The following HEMGN variants were observed in gnomAD, a reference collection of about 807,000 sequenced individuals.
HEMGN encodes the protein erythroid differentiation-associated gene protein.
Under a neutral mutation model 45.7 loss-of-function variants are expected in HEMGN, and 32 were observed. The observed-to-expected ratio is 0.70, with a 90% confidence interval of 0.53 to 0.94. HEMGN has a LOEUF of 0.94. HEMGN is among the 40% of genes least tolerant of loss of function. The probability of loss-of-function intolerance (pLI) is 0.00; values close to 1 mark genes in which losing one functional copy is unlikely to be tolerated. For missense variants in HEMGN, 530 were observed against 564.2 expected (o/e 0.94, Z 0.61); for synonymous variants, 183 against 178.6 (o/e 1.02, Z -0.20).
upstream of HEMGN, among the ~76,000 whole-genome samples, chr9:97,938,822 C>T (rs537118491): frequency 2.0e-4 from 31 of 152,180 alleles, no homozygotes; most frequent in Non-Finnish European, 4.3e-4. Context: ...TAGAATTTCA[C>T]AGCAATTTTG....
Position 97,938,142 on chromosome 9 carries a change from T to G in HEMGN, c.-6A>C. 6.2e-7 allele frequency: 1 copy of G among 1,604,952 alleles called. No homozygotes were observed. The highest frequency in any genetic ancestry group is 1.3e-5 in the African/African-American group (1 of 74,716). On this transcript the variant is annotated 5_prime_UTR_variant, in exon 1 of 4. Transcript: ENST00000616898. ...TGGTCCTTTCCCAAATCCATCTTGCTGCAATACCTTCCTGCTATTTTGGTC... is the reference window on the plus strand; with the variant it reads ...TGGTCCTTTCCCAAATCCATCTTGCGGCAATACCTTCCTGCTATTTTGGTC...
At chr9:97,943,195 C>T (rs1827177096) in intron 1 of HEMGN, among the ~76,000 whole-genome samples, 1 of 152,096 alleles carries the variant, frequency 6.6e-6, no homozygotes, top group Non-Finnish European at 1.5e-5. Flanking sequence ...AGATATAAGT[C>T]CCATCAACCC....
At chr9:97,928,657 G>A (rs976441784) in intron 3 of HEMGN, among the ~76,000 whole-genome samples, 3 of 152,110 alleles carry the variant, frequency 2.0e-5, no homozygotes, top group African/African-American at 7.2e-5. Context: ...ATTTAATATG[G>A]TGTCTGGCAC....
chr9:97,927,572 A>T (rs942828208), intron 3 of HEMGN, 94 bp from the exon 4 acceptor site: 3 of 751,912 alleles, frequency 4.0e-6, no homozygotes, highest in East Asian at 5.1e-5. Context: ...TTTACAACAT[A>T]CACAACAACA....
upstream of HEMGN, among the ~76,000 whole-genome samples, chr9:97,942,209 C>T (rs546837164): frequency 6.6e-6 from 1 of 151,578 alleles, no homozygotes; most frequent in Non-Finnish European, 1.5e-5. Flanking sequence ...ACTAAGATCA[C>T]AGAGTGAGAC....
upstream of HEMGN, among the ~76,000 whole-genome samples, chr9:97,939,161 T>A (rs1192684733): frequency 6.6e-6 from 1 of 152,182 alleles, no homozygotes; most frequent in African/African-American, 2.4e-5. Context: ...AATTCCAGTG[T>A]TGACATTCCC....
At chr9:97,934,391 A>G (rs1055552908) in intron 2 of HEMGN, among the ~76,000 whole-genome samples, 1 of 127,044 alleles carries the variant, frequency 7.9e-6, no homozygotes, top group African/African-American at 2.8e-5. Context: ...AGAAAAAAGA[A>G]AAGGAGAGGA....
At chr9:97,931,417 A>C (rs1158660557) in intron 2 of HEMGN, among the ~76,000 whole-genome samples, 196 bp from the exon 3 acceptor site, 1 of 152,156 alleles carries the variant, frequency 6.6e-6, no homozygotes, top group Non-Finnish European at 1.5e-5. Flanking sequence ...AGGAGAGGGA[A>C]TGTTTCTCCA....
chr9:97,942,952 G>A (rs529466002), upstream of HEMGN, among the ~76,000 whole-genome samples: 9 of 152,292 alleles, frequency 5.9e-5, no homozygotes, highest in East Asian at 1.7e-3. Flanking sequence ...GGTTTGTCAT[G>A]CCATAGTCAG....
upstream of HEMGN, among the ~76,000 whole-genome samples, chr9:97,939,692 A>G (rs1827123379): frequency 6.6e-6 from 1 of 152,236 alleles, no homozygotes; most frequent in Admixed American, 6.5e-5. Context: ...TAAATATATT[A>G]GAGAAACAAG....
chr9:97,933,290 T>C (rs1385443301), intron 2 of HEMGN, among the ~76,000 whole-genome samples: 5 of 152,260 alleles, frequency 3.3e-5, no homozygotes, highest in Non-Finnish European at 1.5e-5. Context: ...GAAACACTTA[T>C]AGTGCTTGTA....
At chr9:97,934,988 G>A (rs944193253) in intron 2 of HEMGN, among the ~76,000 whole-genome samples, 5 of 152,192 alleles carry the variant, frequency 3.3e-5, no homozygotes, top group Non-Finnish European at 7.3e-5. Context: ...GCGCAAGGCT[G>A]GTGTTGTGCC....
At chr9:97,928,068 C>T (rs1377081522) in intron 3 of HEMGN, among the ~76,000 whole-genome samples, 1 of 150,156 alleles carries the variant, frequency 6.7e-6, no homozygotes, top group Admixed American at 6.6e-5. Flanking sequence ...GCTCTGTCGC[C>T]CAGGCTGGAG....
At position 97,927,481 on chromosome 9, in the gene HEMGN, G is replaced by A. The variant is rs1461511328; in HGVS notation, c.1361-3C>T. 6.4e-7 allele frequency: 1 copy of A among 1,566,154 alleles called. No individual in the cohort carries two copies. Among genetic ancestry groups the A allele is most frequent in the Non-Finnish European group, 8.8e-7 (1 of 1,139,636 alleles). ...TTCTTTGGGTTTTTCTTTCATTTCT[G>A]TAAAATCAAATAAAATAAAAAATAG... is the stretch of plus-strand genomic sequence containing the variant. On this transcript the variant is annotated splice_polypyrimidine_tract_variant and splice_region_variant and intron_variant, in intron 3 of 3. Transcript: ENST00000616898.
At chr9:97,927,537 CT>C in intron 3 of HEMGN, 59 bp from the exon 4 acceptor site, 3 of 1,166,774 alleles carry the variant, frequency 2.6e-6, no homozygotes, top group Non-Finnish European at 3.8e-6. Context: ...ACAATTGACT[CT>C]CCATTTGGAG....
chr9:97,927,445 A>G lies in HEMGN; in HGVS notation c.1394T>C (p.Ile465Thr), dbSNP rs1436128814. ...ATGACTCTCATTCAGAATTGCTGGTATTCCTGGCTCTTCTTTGGGTTTTTC... is the reference window on the plus strand; with the variant it reads ...ATGACTCTCATTCAGAATTGCTGGTGTTCCTGGCTCTTCTTTGGGTTTTTC... ...MKEKPKEEPG[I>T]PAILNESHPE... Residue 465 changes from isoleucine (I) to threonine (T), a missense_variant, in exon 4 of 4, where the codon ATA becomes ACA. Coordinates refer to ENST00000616898, the MANE Select transcript of HEMGN (RefSeq NM_197978.3). The G allele has an allele frequency of 3.1e-6, 5 of 1,609,962 alleles. No homozygotes were observed. In the South Asian group the frequency reaches 4.4e-5, roughly 14 times the overall value.
chr9:97,941,744 GAAAACAGCAAAGGA>G (rs2131559555), upstream of HEMGN, among the ~76,000 whole-genome samples: 1 of 152,244 alleles, frequency 6.6e-6, no homozygotes, highest in Admixed American at 6.5e-5. Flanking sequence ...AGGTTAGGGA[GAAAACAGCAAAGGA>G]GCAGCCAGTG....
At chr9:97,944,482 G>A (rs1386724907) in intron 1 of HEMGN, among the ~76,000 whole-genome samples, 2 of 152,050 alleles carry the variant, frequency 1.3e-5, no homozygotes, top group South Asian at 2.1e-4. Flanking sequence ...ATCCCAGAGA[G>A]GGGCCTCAAC....
Position 97,927,291 on chromosome 9 carries a change from C to G in HEMGN, c.*93G>C. ...AAATAGAAAAAATAATATTAATGAG[C>G]ATTGTCAAAAGTTTTACAATATTTT... On this transcript the variant is annotated 3_prime_UTR_variant, in exon 4 of 4. Transcript: ENST00000616898. 1 of 693,576 alleles carries G rather than the reference C, an allele frequency of 1.4e-6. No individual in the cohort carries two copies. Among genetic ancestry groups the G allele is most frequent in the Non-Finnish European group, 2.5e-6 (1 of 400,070 alleles). The allele number at this position is 693,576 out of a possible 1,614,324, so 43.0% of individuals were successfully genotyped here.
Sources: gnomAD v4.1 joint callset for allele counts (sites outside exome capture counted in the v4.1 genomes callset) on GRCh38, gnomAD v4.1.1 for gene constraint, MANE v1.5 for transcripts, NCBI Gene and HGNC (gene_info 2026-07-23, HGNC 2026-07-21) for gene names.